Variants in LHX8 observed in about 807,000 individuals in gnomAD.
LHX8 encodes the protein LIM/homeobox protein Lhx8.
LHX8 carries 12 observed loss-of-function variants against 40.3 expected under a neutral mutation model. The ratio of observed to expected loss-of-function variants is 0.30; its 90% CI spans 0.19 to 0.48. The LOEUF (loss-of-function observed/expected upper bound fraction) is 0.48. Among genes scored for constraint, LHX8 ranks in the 20% least tolerant of loss-of-function variants. The pLI, the probability that LHX8 is intolerant of heterozygous loss-of-function variation, is 0.99. For missense variants in LHX8, 344 were observed against 433.7 expected, an observed-to-expected ratio of 0.79 and a Z score of 1.84; for synonymous variants, 179 against 162.0, an observed-to-expected ratio of 1.10 and a Z score of -0.80.
the LHX8 span, among the ~76,000 whole-genome samples, chr1:75,198,026 T>C: frequency 0.12 from 17,769 of 152,130 alleles, 1,727 homozygotes; most frequent in African/African-American, 0.26. Context: ...ACTTCACAAA[T>C]CTGGCTTAAT....
chr1:75,128,656 G>A (rs781589753), intron 1 of LHX8: 5 of 152,198 alleles, frequency 3.3e-5, no homozygotes, highest in Non-Finnish European at 5.9e-5. Context: ...GTGCCATAAC[G>A]TCAGTGGGGG....
the LHX8 span, among the ~76,000 whole-genome samples, chr1:75,167,197 G>A: frequency 1.3e-5 from 2 of 152,216 alleles, no homozygotes; most frequent in Non-Finnish European, 2.9e-5. Flanking sequence ...ATGCTGTCTG[G>A]AGTCCTCGTT....
chr1:75,175,252 G>T, the LHX8 span, among the ~76,000 whole-genome samples: 48 of 152,292 alleles, frequency 3.2e-4, no homozygotes, highest in Non-Finnish European at 2.2e-4. Flanking sequence ...ATTCAAAATT[G>T]TGCTGCTATA....
chr1:75,143,888 T>C lies in LHX8; in HGVS notation c.624T>C (p.Asp208=). Reference sequence around the variant, plus strand: ...AAGGTGCCCTCCTCACAGAGCAAGATGTTAACCATCCAAAACCAGCAAAAA... The same window carrying C: ...AAGGTGCCCTCCTCACAGAGCAAGACGTTAACCATCCAAAACCAGCAAAAA... ...SVEGALLTEQ[D]VNHPKPAKRA... Residue 208 remains aspartate (D), a synonymous_variant, in exon 6 of 9, where the codon GAT becomes GAC. Transcript: ENST00000356261. The C allele has an allele frequency of 6.2e-7, 1 of 1,613,402 alleles. No homozygotes were observed. Among genetic ancestry groups the C allele is most frequent in the Non-Finnish European group, 8.5e-7 (1 of 1,179,480 alleles).
the LHX8 span, among the ~76,000 whole-genome samples, chr1:75,199,282 A>C: frequency 2.6e-5 from 4 of 152,156 alleles, no homozygotes; most frequent in African/African-American, 9.7e-5. Context: ...AATGCTTTTC[A>C]CAACATCCTA....
chr1:75,130,420 C>T (rs1006276880), upstream of LHX8: 50 of 541,130 alleles, frequency 9.2e-5, no homozygotes, highest in Admixed American at 1.5e-3. Context: ...TGAGGAATGC[C>T]GCGGGGCGGG....
chr1:75,153,929 C>T (rs777328241), intron 7 of LHX8, among the ~76,000 whole-genome samples: 85 of 152,190 alleles, frequency 5.6e-4, no homozygotes, highest in Non-Finnish European at 1.0e-3. Flanking sequence ...AAATAAAATC[C>T]CATCTTTGTC....
At chr1:75,131,156 C>CG, upstream of LHX8, 6 of 295,052 alleles carry the variant, frequency 2.0e-5, no homozygotes, top group Admixed American at 4.1e-5. Flanking sequence ...TTCTCTCAGG[C>CG]TCCAGCTGTG....
At chr1:75,184,237 C>G in the LHX8 span, among the ~76,000 whole-genome samples, 1 of 152,172 alleles carries the variant, frequency 6.6e-6, no homozygotes, top group African/African-American at 2.4e-5. Context: ...CAATGATACT[C>G]AGGACCTGAA....
chr1:75,130,544 C>G, upstream of LHX8: 2 of 727,116 alleles, frequency 2.8e-6, no homozygotes, highest in Admixed American at 3.9e-5. Context: ...GGAGAGAGAC[C>G]AGTGGGTCCC....
At chr1:75,186,245 A>C in the LHX8 span, among the ~76,000 whole-genome samples, 4 of 152,218 alleles carry the variant, frequency 2.6e-5, no homozygotes. Flanking sequence ...AGCAATCCTA[A>C]GTAAGAAGAG....
chr1:75,143,053 A>T, intron 4 of LHX8, 65 bp from the exon 5 acceptor site: 3 of 1,251,514 alleles, frequency 2.4e-6, no homozygotes, highest in Non-Finnish European at 3.5e-6. Flanking sequence ...CTGGTTTAAT[A>T]TTCGACTGAT....
At chr1:75,191,667 T>C in the LHX8 span, among the ~76,000 whole-genome samples, 1 of 152,340 alleles carries the variant, frequency 6.6e-6, no homozygotes, top group Admixed American at 6.5e-5. Context: ...TGTCTTTTCC[T>C]GTCTCCTGTT....
intron 3 of LHX8, among the ~76,000 whole-genome samples, chr1:75,139,523 G>T (rs1453051104): frequency 6.6e-6 from 1 of 152,070 alleles, no homozygotes; most frequent in Admixed American, 6.5e-5. Context: ...AAGGAAGCCT[G>T]TTCATCTAAA....
Position 75,141,053 on chromosome 1 carries a change from C to T in LHX8, c.306C>T (p.His102=). The T allele has an allele frequency of 6.2e-7, 1 of 1,613,560 alleles. No individual in the cohort carries two copies. The highest frequency in any genetic ancestry group is 8.5e-7 in the Non-Finnish European group (1 of 1,179,606). The change falls in exon 4 of 9, where the codon CAC becomes CAT. Residue 102 remains histidine (H), a synonymous_variant. Coordinates refer to ENST00000356261, the MANE Select transcript of LHX8 (RefSeq NM_001256114.2). ...TTTGCAGAACCTCCCTAGGAAGGCA[C>T]ACCAGCTGTTATATTAAAGACAAAG... ...CSVCRTSLGR[H]TSCYIKDKDI... is the part of the protein sequence containing the mutation.
chr1:75,172,482 T>G, the LHX8 span, among the ~76,000 whole-genome samples: 1 of 152,226 alleles, frequency 6.6e-6, no homozygotes, highest in Non-Finnish European at 1.5e-5. Context: ...AATAAGAAGC[T>G]TATATCTCTG....
Position 75,160,839 on chromosome 1 carries a change from G to A in LHX8, c.985G>A (p.Gly329Arg). The change falls in exon 9 of 9, where the codon GGA becomes AGA. Residue 329 changes from glycine to arginine, a missense_variant. By Grantham distance (125) the Gly-to-Arg change is moderately radical. Around this residue, in one of 3 missense-constraint regions of LHX8, gnomAD observed 89 missense variants for 92.8 expected, o/e 0.96. Coordinates refer to ENST00000356261, the MANE Select transcript of LHX8 (RefSeq NM_001256114.2). The part of the protein sequence containing the change: ...YMDAHSPTTL[G>R]LQPLLPHSMT... ...TGTAGCTCATTCACCAACAACTCTT[G>A]GACTCCAGCCCTTGTTACCCCATTC... 1 of 1,612,782 alleles carries A rather than the reference G, an allele frequency of 6.2e-7. No individual in the cohort carries two copies. The highest frequency in any genetic ancestry group is 1.1e-5 in the South Asian group (1 of 91,046).
chr1:75,190,290 T>C, the LHX8 span, among the ~76,000 whole-genome samples: 3 of 152,174 alleles, frequency 2.0e-5, no homozygotes, highest in Admixed American at 2.0e-4. Flanking sequence ...TAAATAGACT[T>C]TTTTGGGGCT....
the LHX8 span, among the ~76,000 whole-genome samples, chr1:75,195,766 C>G: frequency 6.6e-6 from 1 of 152,050 alleles, no homozygotes; most frequent in Non-Finnish European, 1.5e-5. Context: ...CTCCCTCTTT[C>G]CCTCCCTTTC....
Sources: allele counts gnomAD v4.1 joint callset (sites outside exome capture counted in the v4.1 genomes callset), GRCh38; gene constraint gnomAD v4.1.1; regional missense constraint gnomAD v4.1.1; transcripts MANE v1.5; gene names NCBI Gene and HGNC (gene_info 2026-07-23, HGNC 2026-07-21).